The following ANTXR2 variants were observed in gnomAD, a reference collection of about 807,000 sequenced individuals.
The protein encoded by ANTXR2 is ANTXR cell adhesion molecule 2.
In ANTXR2, 44 loss-of-function variants were observed where a neutral mutation model predicts 73.7. The ratio of observed to expected loss-of-function variants is 0.60; its 90% CI spans 0.47 to 0.77. The LOEUF (loss-of-function observed/expected upper bound fraction) is 0.77. Ranked by LOEUF, ANTXR2 falls within the 30% of genes least tolerant of loss-of-function variation. The pLI is 0.00. For synonymous variants in ANTXR2, 217 were observed against 205.9 expected, an observed-to-expected ratio of 1.05 and a Z score of -0.46; for missense variants, 604 against 592.5, an observed-to-expected ratio of 1.02 and a Z score of -0.20.
rs1474123905 is a variant in ANTXR2 at position 80,072,908 on chromosome 4, C to G, written c.-348G>C. The G allele has an allele frequency of 7.7e-6, 2 of 259,116 alleles. No homozygotes were observed. Among genetic ancestry groups the G allele is most frequent in the Non-Finnish European group, 1.3e-5 (2 of 150,108 alleles). 16.1% of individuals were successfully genotyped at this position (259,116 alleles called of 1,614,324 possible). ...AAGGAGTTCCTCTCCGGCCTGGGGC[C>G]GAGCCTCCAGCGCCCGCCTCGGACC... On this transcript the variant is annotated 5_prime_UTR_variant, in exon 1 of 17. Transcript: ENST00000403729.
Position 80,018,894 on chromosome 4 carries a change from T to G in ANTXR2, c.945+4A>C. On this transcript the variant is annotated splice_donor_region_variant and intron_variant, in intron 11 of 16. Coordinates refer to ENST00000403729, the MANE Select transcript of ANTXR2 (RefSeq NM_058172.6). ...AGATAATCTTTGTGCAAACTTTTAC[T>G]TACACATTCTGTGGCTGTGACAATT... 2 of 1,512,038 alleles carry G rather than the reference T, an allele frequency of 1.3e-6. No individual in the cohort carries two copies. The highest frequency in any genetic ancestry group is 1.8e-6 in the Non-Finnish European group (2 of 1,131,118). 93.7% of individuals were successfully genotyped at this position (1,512,038 alleles called of 1,614,324 possible). A position where few individuals can be genotyped will look rare whatever the true frequency, so the allele number is the denominator to read the frequency against.
At chr4:80,002,271 C>T (rs1276916274) in intron 12 of ANTXR2, among the ~76,000 whole-genome samples, 3 of 152,088 alleles carry the variant, frequency 2.0e-5, no homozygotes, top group South Asian at 2.1e-4. Flanking sequence ...CTACAACTAA[C>T]CGATCTTTGA....
intron 7 of ANTXR2, among the ~76,000 whole-genome samples, chr4:80,053,133 T>C (rs1289406160): frequency 6.6e-6 from 1 of 151,646 alleles, no homozygotes. Context: ...CCTTTTTACA[T>C]TGTCAGTACT....
chr4:79,917,303 A>G (rs1278793472), intron 16 of ANTXR2, among the ~76,000 whole-genome samples: 1 of 152,080 alleles, frequency 6.6e-6, no homozygotes, highest in Non-Finnish European at 1.5e-5. Context: ...GGTTTGGGAC[A>G]TGGCAAGAGG....
rs1455938794 is a variant in ANTXR2 at position 79,967,061 on chromosome 4, C to A, written c.1428+10560G>T. 6.9e-5 allele frequency among the ~76,000 whole-genome samples: 5 copies of A among 72,108 alleles called. 2 individuals are homozygous for A. The highest frequency in any genetic ancestry group is 1.7e-4 in the Non-Finnish European group (5 of 29,478). The allele number at this position is 72,108 out of a possible 152,430, so 47.3% of individuals were successfully genotyped here. On this transcript the variant is annotated intron_variant, in intron 16 of 16. Transcript: ENST00000403729. ...CAGTGGGCGCAGGCCAGTGTGTGTG[C>A]GCACCGTGCGCGAGCCGAAGCAGGG... is the stretch of plus-strand genomic sequence containing the variant.
chr4:79,919,112 G>A (rs975493145), intron 16 of ANTXR2, among the ~76,000 whole-genome samples: 1 of 151,842 alleles, frequency 6.6e-6, no homozygotes. Context: ...AGGAAGAAAG[G>A]AACAGAAGAA....
chr4:79,978,075 T>C lies in ANTXR2; in HGVS notation c.1279A>G (p.Arg427Gly). The part of the protein sequence containing the change: ...KIPEETEEPI[R>G]PRPPRPKPTH... ...GGTTTGGGTCGAGGTGGTCTAGGCC[T>C]GATGGGTTCCTCTGTTTCTTCAGGA... Residue 427 changes from arginine to glycine, a missense_variant, in exon 15 of 17, where the codon AGG (arginine) becomes GGG (glycine). By Grantham distance (125) the Arg-to-Gly change is moderately radical. Coordinates refer to ENST00000403729, the MANE Select transcript of ANTXR2 (RefSeq NM_058172.6). The C allele has an allele frequency of 6.2e-7, 1 of 1,613,946 alleles. No homozygotes were observed. Among genetic ancestry groups the C allele is most frequent in the South Asian group, 1.1e-5 (1 of 91,076 alleles).
chr4:79,998,815 T>C (rs1410885403), intron 12 of ANTXR2, among the ~76,000 whole-genome samples: 1 of 152,016 alleles, frequency 6.6e-6, no homozygotes, highest in African/African-American at 2.4e-5. Flanking sequence ...CTTCCCTTCA[T>C]GGAACAGTTT....
At chr4:80,030,910 C>T (rs1361719832) in intron 10 of ANTXR2, among the ~76,000 whole-genome samples, 1 of 152,008 alleles carries the variant, frequency 6.6e-6, no homozygotes, top group Middle Eastern at 3.4e-3. Flanking sequence ...TAGAGAATAT[C>T]TGAACTATTT....
intron 16 of ANTXR2, among the ~76,000 whole-genome samples, chr4:79,955,264 T>C (rs888498095): frequency 6.6e-6 from 1 of 152,176 alleles, no homozygotes; most frequent in African/African-American, 2.4e-5. Context: ...CTCTCTTTCA[T>C]ATGCAGTTAT....
Position 79,983,957 on chromosome 4 carries a change from G to T in ANTXR2, c.1100C>A (p.Pro367His), listed in dbSNP as rs759323424. 1.3e-6 allele frequency: 2 copies of T among 1,595,442 alleles called. No homozygotes were observed. The highest frequency in any genetic ancestry group is 1.7e-6 in the Non-Finnish European group (2 of 1,172,762). The change falls in exon 14 of 17, where the codon CCT (proline) becomes CAT (histidine). Residue 367 changes from proline (P) to histidine (H), a missense_variant. Transcript: ENST00000403729. ...AGTTGGCCACTTTTTAGTAGGCAAA[G>T]GTTCTTCTTCCTCCTGTGGAAATAT... ...APAPKEEEEE[P>H]LPTKKWPTVD... is the part of the protein sequence containing the mutation.
intron 16 of ANTXR2, among the ~76,000 whole-genome samples, chr4:79,963,464 A>G (rs1452212315): frequency 9.2e-5 from 14 of 152,326 alleles, no homozygotes; most frequent in Non-Finnish European, 2.1e-4. Flanking sequence ...TCATTTCAAA[A>G]AAACGAAATT....
chr4:80,051,263 C>G (rs766765003), intron 7 of ANTXR2, among the ~76,000 whole-genome samples: 1 of 151,752 alleles, frequency 6.6e-6, no homozygotes, highest in African/African-American at 2.4e-5. Context: ...TTTTCCTCCT[C>G]TAAATGTCCA....
intron 12 of ANTXR2, among the ~76,000 whole-genome samples, chr4:79,999,647 A>T (rs1402526685): frequency 1.3e-5 from 2 of 152,110 alleles, no homozygotes. Context: ...AATATGAGAT[A>T]TGGAAATATG....
intron 12 of ANTXR2, among the ~76,000 whole-genome samples, chr4:80,002,804 GA>G: frequency 6.6e-6 from 1 of 151,418 alleles, no homozygotes; most frequent in Non-Finnish European, 1.5e-5. Flanking sequence ...AAAAACACAT[GA>G]AAAAATGCTC....
chr4:79,919,729 C>T (rs1727493651), intron 16 of ANTXR2, among the ~76,000 whole-genome samples: 1 of 151,590 alleles, frequency 6.6e-6, no homozygotes, highest in South Asian at 2.1e-4. Context: ...CTGGCTTCTT[C>T]GCTCCTCAGT....
At chr4:79,982,025 C>A (rs772640088) in intron 14 of ANTXR2, among the ~76,000 whole-genome samples, 1 of 152,088 alleles carries the variant, frequency 6.6e-6, no homozygotes, top group East Asian at 1.9e-4. Flanking sequence ...ACTCAGGACC[C>A]ATTCAGGGGC....
intron 10 of ANTXR2, among the ~76,000 whole-genome samples, chr4:80,020,068 G>C (rs926306611): frequency 2.0e-5 from 3 of 152,088 alleles, no homozygotes; most frequent in Non-Finnish European, 4.4e-5. Flanking sequence ...TAATTGGTTT[G>C]CAAACAAATC....
intron 8 of ANTXR2, 139 bp from the exon 9 acceptor site, chr4:80,033,709 G>A (rs1361528526): frequency 4.7e-6 from 3 of 633,062 alleles, no homozygotes; most frequent in African/African-American, 1.9e-5. Flanking sequence ...TGAAGACATA[G>A]CTCTATATTT....
Sources: gnomAD v4.1 joint callset for allele counts (sites outside exome capture counted in the v4.1 genomes callset) on GRCh38, gnomAD v4.1.1 for gene constraint, MANE v1.5 for transcripts, NCBI Gene and HGNC (gene_info 2026-07-23, HGNC 2026-07-21) for gene names.